STIM2: variants seen among roughly 807,000 people sequenced by gnomAD.
The protein encoded by STIM2 is stromal interaction molecule 2.
In STIM2, 31 loss-of-function variants were observed where a neutral mutation model predicts 85.8. That is an observed-to-expected ratio of 0.36 (90% CI 0.27 to 0.49). STIM2 has a LOEUF of 0.49. Among genes scored for constraint, STIM2 ranks in the 20% least tolerant of loss-of-function variants. STIM2 has a pLI of 0.98. For missense variants in STIM2, 841 were observed against 927.6 expected (o/e 0.91, Z 1.21); for synonymous variants, 356 against 331.1 (o/e 1.08, Z -0.82).
At chr4:26,931,692 A>C (rs1432791474) in intron 2 of STIM2, among the ~76,000 whole-genome samples, 1 of 152,222 alleles carries the variant, frequency 6.6e-6, no homozygotes, top group Non-Finnish European at 1.5e-5. Flanking sequence ...AGCAGGGCAA[A>C]GGGAAGGGAA....
Position 27,024,008 on chromosome 4 carries a change from T to C in STIM2, c.*1012T>C, listed in dbSNP as rs1729002259. The C allele has an allele frequency of 6.6e-6, 1 of 152,622 alleles. No homozygotes were observed. The highest frequency in any genetic ancestry group is 1.5e-5 in the Non-Finnish European group (1 of 68,022). The allele number at this position is 152,622 out of a possible 1,614,324, so 9.5% of individuals were successfully genotyped here. On this transcript the variant is annotated 3_prime_UTR_variant, in exon 12 of 12. Coordinates refer to ENST00000467087, the MANE Select transcript of STIM2 (RefSeq NM_020860.4). ...TTTGTTGATAACACAAAAAACACTA[T>C]GTTTTCTGGAGAGCTGTGTAAGCTG... is the stretch of plus-strand genomic sequence containing the variant.
At chr4:26,922,535 A>C (rs1272259699) in intron 2 of STIM2, among the ~76,000 whole-genome samples, 1 of 152,182 alleles carries the variant, frequency 6.6e-6, no homozygotes, top group Non-Finnish European at 1.5e-5. Context: ...AGGAACATCC[A>C]AATAGAAGAA....
intron 2 of STIM2, among the ~76,000 whole-genome samples, chr4:26,921,894 T>G (rs1346877606): frequency 1.3e-5 from 2 of 152,206 alleles, no homozygotes; most frequent in East Asian, 3.8e-4. Flanking sequence ...TTATCATGAT[T>G]AAAATCATTC....
chr4:26,916,214 T>A (rs1320209013), intron 1 of STIM2, among the ~76,000 whole-genome samples: 1 of 152,214 alleles, frequency 6.6e-6, no homozygotes, highest in Non-Finnish European at 1.5e-5. Context: ...AATTCACAGC[T>A]ATTCTAAATT....
At position 27,017,886 on chromosome 4, in the gene STIM2, T is replaced by C. The variant is rs1728787180; in HGVS notation, c.1665T>C (p.Pro555=). ...CGCAACACACACCACACTCCTTGCC[T>C]TCCCCTGATCCAGATATCCTCTCAG... Residue 555 remains proline (P), a synonymous_variant, in exon 11 of 12, where the codon CCT becomes CCC. Transcript: ENST00000467087. 6.2e-7 allele frequency: 1 copy of C among 1,614,120 alleles called. No individual in the cohort carries two copies.
At chr4:27,022,497 C>T in intron 11 of STIM2, 22 bp from the exon 12 acceptor site, 1 of 1,546,648 alleles carries the variant, frequency 6.5e-7, no homozygotes, top group Non-Finnish European at 8.8e-7. Flanking sequence ...AAAATTTGTA[C>T]CTTTGTTTGT....
intron 11 of STIM2, chr4:27,021,567 T>A: frequency 2.2e-6 from 1 of 456,724 alleles, no homozygotes; most frequent in South Asian, 1.5e-5. Context: ...TGACAAGGAC[T>A]TTGGATCTTA....
At chr4:26,932,291 G>T (rs1343165592) in intron 2 of STIM2, among the ~76,000 whole-genome samples, 1 of 152,144 alleles carries the variant, frequency 6.6e-6, no homozygotes, top group African/African-American at 2.4e-5. Flanking sequence ...GAATCTTAAC[G>T]TCTGTTTGAC....
In STIM2 at chr4:26,946,712, C is replaced by T. The variant is rs569261727; in HGVS notation, c.283-10900C>T. On this transcript the variant is annotated intron_variant, in intron 2 of 11. Coordinates refer to ENST00000467087, the MANE Select transcript of STIM2 (RefSeq NM_020860.4). ...ACAAATTTTGAATGGCTTTATATCC[C>T]TTAATCTTTAGAAAAAGGATGCATA... 5.9e-5 allele frequency among the ~76,000 whole-genome samples: 9 copies of T among 152,320 alleles called. 1 individual carries two copies. The South Asian group carries it at 1.9e-3, about 32-fold the overall frequency.
chr4:26,960,063 A>T (rs1257640122), intron 3 of STIM2, among the ~76,000 whole-genome samples: 35 of 152,126 alleles, frequency 2.3e-4, no homozygotes, highest in Admixed American at 2.3e-3. Context: ...GGGGTCATGT[A>T]AGGGTGGGGT....
chr4:26,887,364 TTTGA>T (rs1313054205), intron 1 of STIM2, among the ~76,000 whole-genome samples: 5 of 152,146 alleles, frequency 3.3e-5, no homozygotes, highest in East Asian at 1.9e-4. Context: ...AATTACAGAC[TTTGA>T]TTGAACTCAA....
intron 3 of STIM2, among the ~76,000 whole-genome samples, chr4:26,984,361 T>A (rs1027261924): frequency 2.0e-5 from 3 of 152,146 alleles, no homozygotes; most frequent in African/African-American, 7.2e-5. Flanking sequence ...TTTCTCCAAT[T>A]TTTTTTGTTT....
Position 26,860,922 on chromosome 4 carries a change from A to T in STIM2, c.-297A>T. 1 of 682,100 alleles carries T rather than the reference A, an allele frequency of 1.5e-6. No individual in the cohort carries two copies. The highest frequency in any genetic ancestry group is 1.8e-6 in the Non-Finnish European group (1 of 556,714). The allele number at this position is 682,100 out of a possible 1,614,324, so 42.3% of individuals were successfully genotyped here. A position where few individuals can be genotyped will look rare whatever the true frequency, so the allele number is the denominator to read the frequency against. ...AAGACGCCGTACCTTTCTACCCCCC[A>T]CCTTTTTTTTTTTTTTTTTTAAATA... On this transcript the variant is annotated 5_prime_UTR_variant, in exon 1 of 12. Transcript: ENST00000467087.
intron 1 of STIM2, among the ~76,000 whole-genome samples, chr4:26,906,973 A>AAT (rs1466912915): frequency 6.6e-6 from 1 of 152,010 alleles, no homozygotes; most frequent in Non-Finnish European, 1.5e-5. Context: ...TCTCAAAAAA[A>AAT]AAAAAAAAAA....
At chr4:26,944,563 A>T (rs1204528877) in intron 2 of STIM2, among the ~76,000 whole-genome samples, 1 of 152,180 alleles carries the variant, frequency 6.6e-6, no homozygotes, top group African/African-American at 2.4e-5. Flanking sequence ...TGCAAATTAA[A>T]ATTTGTTAAA....
At chr4:27,021,040 C>CT in intron 11 of STIM2, 1 of 1,536,476 alleles carries the variant, frequency 6.5e-7, no homozygotes. Flanking sequence ...GTGAATGAGA[C>CT]TAAGTAGTAA....
At chr4:26,934,695 C>G (rs757006228) in intron 2 of STIM2, among the ~76,000 whole-genome samples, 3 of 152,078 alleles carry the variant, frequency 2.0e-5, no homozygotes, top group Non-Finnish European at 2.9e-5. Context: ...GGGTGAATCT[C>G]CTGAGGTCAG....
chr4:27,019,267 T>C, intron 11 of STIM2: 1 of 381,688 alleles, frequency 2.6e-6, no homozygotes, highest in South Asian at 2.2e-5. Context: ...GAAAATTTTA[T>C]GATTTGCAAG....
intron 1 of STIM2, among the ~76,000 whole-genome samples, chr4:26,902,390 T>A (rs1204678644): frequency 6.6e-6 from 1 of 152,182 alleles, no homozygotes; most frequent in Non-Finnish European, 1.5e-5. Flanking sequence ...TACCTTCAAA[T>A]TACTGATCTG....
Sources: allele counts gnomAD v4.1 joint callset (sites outside exome capture counted in the v4.1 genomes callset), GRCh38; gene constraint gnomAD v4.1.1; transcripts MANE v1.5; gene names NCBI Gene and HGNC (gene_info 2026-07-23, HGNC 2026-07-21).